The following RADIL variants were observed in gnomAD, a reference collection of about 807,000 sequenced individuals.
RADIL encodes ras-associating and dilute domain-containing protein.
A neutral mutation model predicts 97.6 loss-of-function variants in RADIL; 99 were observed. The ratio of observed to expected loss-of-function variants is 1.01; its 90% confidence interval spans 0.86 to 1.20. The LOEUF is 1.20. RADIL is among the 50% of genes most tolerant of loss of function. The pLI is 0.00. For synonymous variants in RADIL, 803 were observed against 691.8 expected (o/e 1.16, Z -2.52); for missense variants, 1,765 against 1,498.9 (o/e 1.18, Z -2.93).
In RADIL at chr7:4,861,847, C is replaced by CACCGCGACCTTCACGTCCCCCACT. The variant is rs1351315761; in HGVS notation, c.535+15757_535+15758insAGTGGGGGACGTGAAGGTCGCGGT. On this transcript the variant is annotated intron_variant, in intron 2 of 14. Coordinates refer to ENST00000399583, the MANE Select transcript of RADIL (RefSeq NM_018059.5). ...CGCCCCGCCAGGGCACGTCCCCCACCACCGCGACCTTCGCGGCCGCCGCCC... is the reference window on the plus strand; with the variant it reads ...CGCCCCGCCAGGGCACGTCCCCCACCACCGCGACCTTCACGTCCCCCACTACCGCGACCTTCGCGGCCGCCGCCC... The CACCGCGACCTTCACGTCCCCCACT allele has an allele frequency of 5.7e-6, 8 of 1,395,926 alleles. 1 individual carries two copies. The highest frequency in any genetic ancestry group is 7.5e-6 in the Non-Finnish European group (8 of 1,068,628). The allele number at this position is 1,395,926 out of a possible 1,614,324, so 86.5% of individuals were successfully genotyped here.
chr7:4,814,302 C>G lies in RADIL; in HGVS notation c.2139+976G>C, dbSNP rs6949537. On this transcript the variant is annotated intron_variant, in intron 9 of 14. Transcript: ENST00000399583. The surrounding 1 kb of genome is among the most constrained non-coding windows in gnomAD (Gnocchi z 4.5). ...ACAGCCTCATTTTACGAATTTTCTA[C>G]AGTCAATAAAAATGCTTCACTTTTT... Among the ~76,000 whole-genome samples, 1 of 152,146 alleles carries G rather than the reference C, an allele frequency of 6.6e-6. No individual in the cohort carries two copies. The highest frequency in any genetic ancestry group is 1.5e-5 in the Non-Finnish European group (1 of 68,030).
rs1014783994 is a variant in RADIL at position 4,819,837 on chromosome 7, G to A, written c.1616-2486C>T. Among the ~76,000 whole-genome samples the A allele has an allele frequency of 6.6e-6, 1 of 152,172 alleles. No individual in the cohort carries two copies. Among genetic ancestry groups the A allele is most frequent in the African/African-American group, 2.4e-5 (1 of 41,430 alleles). On this transcript the variant is annotated intron_variant, in intron 6 of 14. Transcript: ENST00000399583. This position sits in a 1 kb window ranked among gnomAD's most constrained non-coding sequence, Gnocchi z 5.8. ...ACACCCGGAGCCTGCAGGCATCCCTGGGCCCTGGCTCCCATCGCCGGGCCA... is the reference window on the plus strand; with the variant it reads ...ACACCCGGAGCCTGCAGGCATCCCTAGGCCCTGGCTCCCATCGCCGGGCCA...
chr7:4,875,262 T>G lies in RADIL; in HGVS notation c.535+2343A>C, dbSNP rs1290218456. Among the ~76,000 whole-genome samples the G allele has an allele frequency of 5.9e-5, 7 of 117,692 alleles. 1 individual carries two copies. Among genetic ancestry groups the G allele is most frequent in the African/African-American group, 3.1e-4 (6 of 19,224 alleles). The allele number at this position is 117,692 out of a possible 152,430, so 77.2% of individuals were successfully genotyped here. ...CAAAATTAGCCGGGCGTGGTGGTGG[T>G]GCATGCCGTAATCCCAGCTATTCAG... is the stretch of plus-strand genomic sequence containing the variant. On this transcript the variant is annotated intron_variant, in intron 2 of 14. Coordinates refer to ENST00000399583, the MANE Select transcript of RADIL (RefSeq NM_018059.5).
In RADIL at chr7:4,867,501, C is replaced by T. The variant is rs1784156010; in HGVS notation, c.535+10104G>A. Among the ~76,000 whole-genome samples, 1 of 152,134 alleles carries T rather than the reference C, an allele frequency of 6.6e-6. No individual in the cohort carries two copies. Among genetic ancestry groups the T allele is most frequent in the Non-Finnish European group, 1.5e-5 (1 of 68,040 alleles). On this transcript the variant is annotated intron_variant, in intron 2 of 14. Transcript: ENST00000399583. This position sits in a 1 kb window ranked among gnomAD's most constrained non-coding sequence, Gnocchi z 4.1. ...TAGGTGTCAAAAACATAATGTGAGGCCAGGTGTGGTGGCTCATGGCTGTAA... is the reference window on the plus strand; with the variant it reads ...TAGGTGTCAAAAACATAATGTGAGGTCAGGTGTGGTGGCTCATGGCTGTAA...
At chr7:4,864,601 A>G (rs1377712253) in intron 2 of RADIL, among the ~76,000 whole-genome samples, 1 of 152,166 alleles carries the variant, frequency 6.6e-6, no homozygotes, top group African/African-American at 2.4e-5. Flanking sequence ...AGTAGTCTCC[A>G]TTTTAGGAAA....
intron 2 of RADIL, among the ~76,000 whole-genome samples, chr7:4,855,392 G>T (rs1443991540): frequency 6.6e-6 from 1 of 151,944 alleles, no homozygotes; most frequent in African/African-American, 2.4e-5. Flanking sequence ...AAGACTAAGG[G>T]GATCAGTAAG....
chr7:4,860,243 C>T, intron 2 of RADIL: 1 of 1,614,002 alleles, frequency 6.2e-7, no homozygotes. Flanking sequence ...CAAGTCAAAG[C>T]TGCTGTCGTT....
At chr7:4,802,594 C>T (rs1423428558) in intron 11 of RADIL, among the ~76,000 whole-genome samples, 3 of 137,260 alleles carry the variant, frequency 2.2e-5, no homozygotes, top group Non-Finnish European at 3.2e-5. Context: ...AGCTGGGGGG[C>T]CCCCTCCCCG....
At chr7:4,847,336 A>G (rs1425562392) in intron 2 of RADIL, among the ~76,000 whole-genome samples, 1 of 152,052 alleles carries the variant, frequency 6.6e-6, no homozygotes, top group Non-Finnish European at 1.5e-5. Context: ...CAACAACAAC[A>G]AAAAAGTTAA....
rs749217992 is a variant in RADIL at position 4,877,961 on chromosome 7, G to A, written c.179C>T (p.Ser60Leu). The part of the protein sequence containing the change: ...DDPAELSTQL[S>L]APGVLKVFGD... ...AAACACCTTCAGGACACCAGGGGCC[G>A]ACAGCTGGGTGGAGAGCTCGGCGGG... Residue 60 changes from serine to leucine, a missense_variant, in exon 2 of 15, where the codon TCG (serine) becomes TTG (leucine). Ser to Leu is a moderately radical substitution (Grantham distance 145). Transcript: ENST00000399583. The A allele has an allele frequency of 8.7e-6, 14 of 1,611,060 alleles. No individual in the cohort carries two copies. Among genetic ancestry groups the A allele is most frequent in the Admixed American group, 8.3e-5 (5 of 59,990 alleles).
At chr7:4,861,905 C>T (rs886405280) in intron 2 of RADIL, 2 of 758,244 alleles carry the variant, frequency 2.6e-6, no homozygotes, top group Non-Finnish European at 3.8e-6. Flanking sequence ...AAGGGCAGGG[C>T]TTCTAGCTGC....
intron 2 of RADIL, among the ~76,000 whole-genome samples, chr7:4,852,426 T>C (rs1005072832): frequency 1.3e-5 from 2 of 152,132 alleles, no homozygotes; most frequent in Non-Finnish European, 2.9e-5. Flanking sequence ...TGGCACCTTT[T>C]TACCTTCCGT....
At chr7:4,874,059 C>G (rs1784313471) in intron 2 of RADIL, among the ~76,000 whole-genome samples, 1 of 152,246 alleles carries the variant, frequency 6.6e-6, no homozygotes, top group Non-Finnish European at 1.5e-5. Flanking sequence ...TCAGTGCCCT[C>G]CCCGTTCCGT....
chr7:4,863,089 T>G (rs1365350404), intron 2 of RADIL, among the ~76,000 whole-genome samples: 1 of 152,176 alleles, frequency 6.6e-6, no homozygotes, highest in Non-Finnish European at 1.5e-5. Context: ...ACCTTCTCAC[T>G]CTGTCCTCCA....
chr7:4,823,646 G>A (rs78545486), intron 5 of RADIL, among the ~76,000 whole-genome samples: 2,394 of 152,282 alleles, frequency 0.016, 31 homozygotes, highest in Middle Eastern at 0.034. Flanking sequence ...CATCAGGGCT[G>A]CCTCCTCCCT....
Position 4,872,054 on chromosome 7 carries a change from C to T in RADIL, c.535+5551G>A, listed in dbSNP as rs1407398625. 6.6e-6 allele frequency among the ~76,000 whole-genome samples: 1 copy of T among 152,214 alleles called. No homozygotes were observed. The highest frequency in any genetic ancestry group is 2.4e-5 in the African/African-American group (1 of 41,464). On this transcript the variant is annotated intron_variant, in intron 2 of 14. Coordinates refer to ENST00000399583, the MANE Select transcript of RADIL (RefSeq NM_018059.5). The surrounding 1 kb of genome is among the most constrained non-coding windows in gnomAD (Gnocchi z 5.8). Reference sequence around the variant, plus strand: ...CCTGGGTTTGCCAGGCACCCAGCCCCTCCGAGAGTGGCCCAGGAGAAACAA... The same window carrying T: ...CCTGGGTTTGCCAGGCACCCAGCCCTTCCGAGAGTGGCCCAGGAGAAACAA...
At chr7:4,861,544 A>G (rs762423839) in intron 2 of RADIL, 4 of 1,614,086 alleles carry the variant, frequency 2.5e-6, no homozygotes, top group Admixed American at 1.7e-5. Flanking sequence ...TTTCAATTAC[A>G]GACTGGGGAA....
chr7:4,848,099 A>G (rs928682267), intron 2 of RADIL, among the ~76,000 whole-genome samples: 2 of 151,920 alleles, frequency 1.3e-5, no homozygotes, highest in African/African-American at 4.8e-5. Flanking sequence ...CGGGAGGCTG[A>G]ATCGGGAGGA....
rs1782001421 is a variant in RADIL at position 4,799,470 on chromosome 7, T to C, written c.3136A>G (p.Ile1046Val). ...CGCATCTTCTTCCCGCCATGACGGA[T>C]CAGGTCCACAGCTCTGAAATCCATG... The part of the protein sequence containing the change: ...GLGYLRAVDL[I>V]RHGGKKMRFL... The change falls in exon 15 of 15, where the codon ATC (isoleucine) becomes GTC (valine). Residue 1046 changes from isoleucine (I) to valine (V), a missense_variant. Transcript: ENST00000399583. 6.2e-7 allele frequency: 1 copy of C among 1,613,722 alleles called. No homozygotes were observed. Among genetic ancestry groups the C allele is most frequent in the African/African-American group, 1.3e-5 (1 of 74,876 alleles).
Sources: gnomAD v4.1 joint callset for allele counts (sites outside exome capture counted in the v4.1 genomes callset) on GRCh38, gnomAD v4.1.1 for gene constraint, Gnocchi (gnomAD v3.1) non-coding constraint, MANE v1.5 for transcripts, NCBI Gene and HGNC (gene_info 2026-07-23, HGNC 2026-07-21) for gene names.